The following ZNF536 variants were observed in gnomAD, a reference collection of about 807,000 sequenced individuals.
ZNF536 encodes zinc finger protein 536.
In ZNF536, 13 loss-of-function variants were observed where a neutral mutation model predicts 84.5. The ratio of observed to expected loss-of-function variants is 0.15; its 90% CI spans 0.10 to 0.24. ZNF536 has a LOEUF of 0.24. Ranked by LOEUF, ZNF536 falls within the 10% of genes least tolerant of loss-of-function variation. The pLI is 1.00. For synonymous variants in ZNF536, 811 were observed against 742.5 expected (o/e 1.09, Z -1.50); for missense variants, 1,536 against 1,747.5 (o/e 0.88, Z 2.16).
At chr19:30,483,099 T>A (rs1362812134) in intron 2 of ZNF536, among the ~76,000 whole-genome samples, 1 of 152,170 alleles carries the variant, frequency 6.6e-6, no homozygotes, top group Non-Finnish European at 1.5e-5. Flanking sequence ...ACTGTGAGGT[T>A]TATTTAGTGT....
intron 3 of ZNF536, among the ~76,000 whole-genome samples, chr19:30,361,538 G>A (rs570649452): frequency 8.5e-5 from 13 of 152,168 alleles, no homozygotes; most frequent in East Asian, 1.9e-4. Flanking sequence ...GAGGGCATCC[G>A]GGGAGAGGCC....
rs1315881733 is a variant in ZNF536 at position 30,575,583 on chromosome 19, CA to C, written c.169+26070del. 8.8e-4 allele frequency among the ~76,000 whole-genome samples: 134 copies of C among 152,290 alleles called. 1 individual carries two copies. Among genetic ancestry groups the C allele is most frequent in the African/African-American group, 2.9e-3 (121 of 41,556 alleles). On this transcript the variant is annotated intron_variant, in intron 1 of 1. Coordinates refer to the ZNF536 transcript ENST00000592773. ...CCTAGGTATCAGAGACCCAGCGGTC[CA>C]GAAAGGAGGCAAAAACTCCTCCCTG...
intron 1 of ZNF536, among the ~76,000 whole-genome samples, chr19:30,632,644 AACCAACAAACC>A (rs2048930716): frequency 1.4e-5 from 1 of 71,894 alleles, no homozygotes; most frequent in African/African-American, 4.8e-5. Context: ...CCAACCAATC[AACCAACAAACC>A]AACCAACCAA....
intron 1 of ZNF536, among the ~76,000 whole-genome samples, chr19:30,627,749 C>T (rs2048739956): frequency 6.6e-6 from 1 of 152,150 alleles, no homozygotes; most frequent in Non-Finnish European, 1.5e-5. Context: ...GAGGAATTTT[C>T]CTGCGTTGAC....
upstream of ZNF536, among the ~76,000 whole-genome samples, chr19:30,371,309 T>C (rs2048603431): frequency 6.6e-6 from 1 of 152,184 alleles, no homozygotes; most frequent in East Asian, 1.9e-4. Context: ...CTGGGCTTCA[T>C]GAAATAATGG....
intron 2 of ZNF536, among the ~76,000 whole-genome samples, chr19:30,329,087 G>A (rs987637130): frequency 1.3e-5 from 2 of 152,146 alleles, no homozygotes; most frequent in African/African-American, 4.8e-5. Flanking sequence ...TGTCAAGAAG[G>A]CCAACAGCTA....
chr19:30,548,387 A>G lies in ZNF536; in HGVS notation c.2768A>G (p.Asp923Gly), dbSNP rs748774532. ...NFQGSLQAFM[D>G]SFVLSSLKKE... ...CAAGGGTCCTTGCAAGCTTTCATGG[A>G]CAGTTTTGTCCTCAGTTCCTTGAAG... The change falls in exon 4 of 5, where the codon GAC (aspartate) becomes GGC (glycine). Residue 923 changes from aspartate to glycine, a missense_variant. Transcript: ENST00000355537. 3 of 1,614,204 alleles carry G rather than the reference A, an allele frequency of 1.9e-6. No individual in the cohort carries two copies. The highest frequency in any genetic ancestry group is 2.5e-6 in the Non-Finnish European group (3 of 1,180,044).
At chr19:30,357,549 T>C (rs1600370100) in intron 3 of ZNF536, among the ~76,000 whole-genome samples, 1 of 152,222 alleles carries the variant, frequency 6.6e-6, no homozygotes, top group East Asian at 1.9e-4. Flanking sequence ...GTGGCTTGGA[T>C]TGGCTCTTGG....
intron 1 of ZNF536, among the ~76,000 whole-genome samples, chr19:30,671,762 G>A (rs1049261836): frequency 5.9e-5 from 9 of 152,146 alleles, no homozygotes; most frequent in Non-Finnish European, 2.9e-5. Context: ...GTTCAGTGAC[G>A]AACAAACAGC....
chr19:30,256,138 C>A (rs1057395728), intron 1 of ZNF536, among the ~76,000 whole-genome samples: 3 of 152,176 alleles, frequency 2.0e-5, no homozygotes, highest in African/African-American at 7.2e-5. Flanking sequence ...TGGAGAGAGT[C>A]CTTCTGCAGC....
Position 30,411,675 on chromosome 19 carries a change from T to C in ZNF536, c.-2-31886T>C, listed in dbSNP as rs146828100. ...TCATTGACATATTTGTCTACTTCTGTATACTACCACATTATTTCAATTATT... is the reference window on the plus strand; with the variant it reads ...TCATTGACATATTTGTCTACTTCTGCATACTACCACATTATTTCAATTATT... On this transcript the variant is annotated intron_variant, in intron 1 of 4. Transcript: ENST00000355537. Among the ~76,000 whole-genome samples, 492 of 152,284 alleles carry C rather than the reference T, an allele frequency of 3.2e-3. 4 individuals are homozygous for C. The highest frequency in any genetic ancestry group is 0.011 in the African/African-American group (465 of 41,584).
In ZNF536 at chr19:30,257,033, G is replaced by A. The variant is rs527950610; in HGVS notation, c.-189-27039G>A. 5.9e-5 allele frequency among the ~76,000 whole-genome samples: 9 copies of A among 152,180 alleles called. No individual in the cohort carries two copies. In the South Asian group the frequency reaches 1.2e-3, roughly 21 times the overall value. On this transcript the variant is annotated intron_variant, in intron 1 of 5. Coordinates refer to the ZNF536 transcript ENST00000585628. ...CATTACAATTAGCTTTGAAATGTTC[G>A]CCATTTTACCATAATTGTTTCATAT...
chr19:30,615,550 C>G (rs939452152), intron 1 of ZNF536, among the ~76,000 whole-genome samples: 3 of 151,668 alleles, frequency 2.0e-5, no homozygotes, highest in African/African-American at 7.3e-5. Context: ...AGTATCTGGT[C>G]AGGCTTATTC....
intron 1 of ZNF536, among the ~76,000 whole-genome samples, chr19:30,624,581 A>T (rs528698997): frequency 1.3e-5 from 2 of 152,308 alleles, no homozygotes; most frequent in Admixed American, 1.3e-4. Context: ...TCTATTGTAA[A>T]GTGCATTATT....
At chr19:30,651,268 G>T (rs556876380) in intron 1 of ZNF536, among the ~76,000 whole-genome samples, 1 of 152,212 alleles carries the variant, frequency 6.6e-6, no homozygotes, top group Non-Finnish European at 1.5e-5. Flanking sequence ...GAACCAGGTA[G>T]CAAATGTTGC....
At chr19:30,462,856 T>C (rs531127286) in intron 2 of ZNF536, among the ~76,000 whole-genome samples, 2 of 146,100 alleles carry the variant, frequency 1.4e-5, no homozygotes, top group East Asian at 2.1e-4. Flanking sequence ...TGGATAAGGA[T>C]GTGTGTGTTG....
intron 1 of ZNF536, among the ~76,000 whole-genome samples, chr19:30,236,533 G>C (rs576191492): frequency 1.1e-4 from 17 of 151,520 alleles, no homozygotes; most frequent in South Asian, 2.1e-4. Context: ...TTGGGGCGGG[G>C]GGGGGGTACA....
intron 2 of ZNF536, among the ~76,000 whole-genome samples, chr19:30,511,840 G>A (rs1245037877): frequency 6.6e-6 from 1 of 152,138 alleles, no homozygotes. Flanking sequence ...GTGTCTAGTT[G>A]AGACAATCAC....
At chr19:30,487,588 T>A (rs532601892) in intron 2 of ZNF536, among the ~76,000 whole-genome samples, 16 of 152,306 alleles carry the variant, frequency 1.1e-4, no homozygotes, top group African/African-American at 3.6e-4. Flanking sequence ...TGTTTTATGA[T>A]GTATGACATT....
Sources: gnomAD v4.1 joint callset for allele counts (sites outside exome capture counted in the v4.1 genomes callset) on GRCh38, gnomAD v4.1.1 for gene constraint, MANE v1.5 for transcripts, NCBI Gene and HGNC (gene_info 2026-07-23, HGNC 2026-07-21) for gene names.